Variants in TTC6 observed in about 807,000 individuals in gnomAD.
The protein encoded by TTC6 is tetratricopeptide repeat protein 6.
In TTC6, 172 loss-of-function variants were observed where a neutral mutation model predicts 210.4. That is an observed-to-expected ratio of 0.82 (90% CI 0.72 to 0.93). The LOEUF is 0.93. Ranked by LOEUF, TTC6 falls within the 40% of genes least tolerant of loss-of-function variation. The pLI is 0.00. For missense variants in TTC6, 2,414 were observed against 2,318.1 expected, an observed-to-expected ratio of 1.04 and a Z score of -0.85; for synonymous variants, 804 against 819.6, an observed-to-expected ratio of 0.98 and a Z score of 0.32.
At chr14:37,668,636 T>C (rs761028609) in intron 1 of TTC6, among the ~76,000 whole-genome samples, 1 of 152,130 alleles carries the variant, frequency 6.6e-6, no homozygotes, top group Non-Finnish European at 1.5e-5. Context: ...ATCCAGAGAC[T>C]CATGGATACA....
chr14:37,626,281 A>G (rs987192036), intron 1 of TTC6, among the ~76,000 whole-genome samples: 11 of 152,194 alleles, frequency 7.2e-5, no homozygotes, highest in African/African-American at 2.4e-4. Context: ...TTCACAGACC[A>G]CTTTCCAGAT....
At chr14:37,693,808 T>C (rs2095809120) in intron 3 of TTC6, among the ~76,000 whole-genome samples, 1 of 152,082 alleles carries the variant, frequency 6.6e-6, no homozygotes, top group Non-Finnish European at 1.5e-5. Flanking sequence ...TCAACAAAGG[T>C]GTCAAGAACA....
chr14:37,772,155 G>T (rs573534619), intron 14 of TTC6, among the ~76,000 whole-genome samples: 99 of 152,304 alleles, frequency 6.5e-4, no homozygotes, highest in Non-Finnish European at 1.2e-3. Flanking sequence ...GAGGCAGTCT[G>T]CCCGTTCTCA....
At chr14:37,722,079 T>C (rs564742223) in intron 6 of TTC6, among the ~76,000 whole-genome samples, 8 of 151,884 alleles carry the variant, frequency 5.3e-5, no homozygotes, top group African/African-American at 1.7e-4. Context: ...TGAAACTAAT[T>C]TGCATGTCTC....
chr14:37,759,921 T>C (rs2095978965), intron 14 of TTC6, among the ~76,000 whole-genome samples: 1 of 152,192 alleles, frequency 6.6e-6, no homozygotes, highest in South Asian at 2.1e-4. Context: ...TCAAGGTGTT[T>C]AGCTTCCTTG....
intron 14 of TTC6, among the ~76,000 whole-genome samples, chr14:37,770,400 G>T (rs972131152): frequency 1.3e-5 from 2 of 152,168 alleles, no homozygotes; most frequent in African/African-American, 4.8e-5. Flanking sequence ...GTTGACCGTG[G>T]GGTGTTAAAG....
chr14:37,824,699 G>T (rs2096166339), intron 27 of TTC6, among the ~76,000 whole-genome samples: 1 of 152,156 alleles, frequency 6.6e-6, no homozygotes, highest in South Asian at 2.1e-4. Context: ...AGTATAACTT[G>T]TAGAAAAATA....
chr14:37,784,265 T>C (rs965225692), intron 14 of TTC6, among the ~76,000 whole-genome samples: 2 of 152,216 alleles, frequency 1.3e-5, no homozygotes, highest in South Asian at 2.1e-4. Context: ...TAAGTCTCTT[T>C]GTAGGTCTCT....
At chr14:37,623,209 T>A (rs464306) in intron 1 of TTC6, among the ~76,000 whole-genome samples, 1 of 152,092 alleles carries the variant, frequency 6.6e-6, no homozygotes, top group East Asian at 1.9e-4. Flanking sequence ...TATCCTCTTT[T>A]CAAAGTGAAG....
intron 14 of TTC6, among the ~76,000 whole-genome samples, chr14:37,767,031 T>C (rs2096001604): frequency 6.6e-6 from 1 of 152,132 alleles, no homozygotes; most frequent in South Asian, 2.1e-4. Context: ...TTCCCACCTA[T>C]GAGTGAGAAT....
chr14:37,804,377 T>A (rs2096113620), intron 20 of TTC6, among the ~76,000 whole-genome samples: 1 of 152,182 alleles, frequency 6.6e-6, no homozygotes, highest in African/African-American at 2.4e-5. Flanking sequence ...GACTTAAGCT[T>A]GTGTATATAG....
exon 10 of TTC6, chr14:37,738,862 G>C: frequency 1.3e-6 from 2 of 1,534,866 alleles, no homozygotes; most frequent in African/African-American, 2.7e-5. Context: ...GTATAAAAGA[G>C]GTTATGTTTC....
chr14:37,682,945 C>T (rs2095787161), exon 3 of TTC6: 7 of 1,535,348 alleles, frequency 4.6e-6, no homozygotes, highest in Non-Finnish European at 6.1e-6. Context: ...TCAAAAGAAG[C>T]CAAGTGGGTG....
At chr14:37,817,061 T>C (rs986897980) in intron 25 of TTC6, among the ~76,000 whole-genome samples, 9 of 152,126 alleles carry the variant, frequency 5.9e-5, no homozygotes, top group Non-Finnish European at 1.3e-4. Context: ...AAGAGACAAT[T>C]TCTCACCAGA....
At chr14:37,602,182 C>T (rs2095616900) in intron 1 of TTC6, among the ~76,000 whole-genome samples, 1 of 152,248 alleles carries the variant, frequency 6.6e-6, no homozygotes, top group Non-Finnish European at 1.5e-5. Context: ...TGATCTTCCT[C>T]GGTACCGGCC....
At chr14:37,599,820 G>T (rs1202663277) in intron 1 of TTC6, among the ~76,000 whole-genome samples, 11 of 152,178 alleles carry the variant, frequency 7.2e-5, no homozygotes, top group Admixed American at 6.5e-4. Flanking sequence ...AACCTCCCTC[G>T]AGGCCCCCGG....
chr14:37,782,606 G>A (rs1465159130), intron 14 of TTC6, among the ~76,000 whole-genome samples: 7 of 152,008 alleles, frequency 4.6e-5, no homozygotes, highest in Admixed American at 1.3e-4. Flanking sequence ...TTTCCTAATT[G>A]AATACCCTTT....
At chr14:37,814,954 T>C (rs551295414) in intron 25 of TTC6, among the ~76,000 whole-genome samples, 2 of 152,264 alleles carry the variant, frequency 1.3e-5, no homozygotes, top group East Asian at 3.9e-4. Context: ...ATGCCCTTCA[T>C]AGGGACACTT....
chr14:37,645,179 C>T (rs1595054548), intron 1 of TTC6, among the ~76,000 whole-genome samples: 2 of 152,078 alleles, frequency 1.3e-5, no homozygotes, highest in South Asian at 4.1e-4. Context: ...AGTAGCTTTC[C>T]AAAACTTTTC....
Sources: gnomAD v4.1 joint callset for allele counts (sites outside exome capture counted in the v4.1 genomes callset) on GRCh38, gnomAD v4.1.1 for gene constraint, MANE v1.5 for transcripts, NCBI Gene and HGNC (gene_info 2026-07-23, HGNC 2026-07-21) for gene names.